Variants in SEMA3A observed in about 807,000 individuals in gnomAD.
The protein encoded by SEMA3A is semaphorin-3A.
Under a neutral mutation model 97.9 loss-of-function variants are expected in SEMA3A, and 29 were observed. The ratio of observed to expected loss-of-function variants is 0.30; its 90% CI spans 0.22 to 0.40. The LOEUF (loss-of-function observed/expected upper bound fraction) is 0.40, where lower values mean the gene tolerates loss of function less well. Ranked by LOEUF, SEMA3A falls within the 10% of genes least tolerant of loss-of-function variation. The pLI is 1.00. For missense variants in SEMA3A, 763 were observed against 951.3 expected, an observed-to-expected ratio of 0.80 and a Z score of 2.60; for synonymous variants, 321 against 323.7, an observed-to-expected ratio of 0.99 and a Z score of 0.09.
intron 3 of SEMA3A, among the ~76,000 whole-genome samples, chr7:84,291,596 G>A (rs1470941317): frequency 6.6e-6 from 1 of 151,958 alleles, no homozygotes; most frequent in Non-Finnish European, 1.5e-5. Flanking sequence ...GGAAATTTGT[G>A]TTACCATGTT....
intron 6 of SEMA3A, among the ~76,000 whole-genome samples, chr7:84,030,444 AT>A (rs888592302): frequency 5.3e-5 from 8 of 152,086 alleles, no homozygotes; most frequent in African/African-American, 1.9e-4. Flanking sequence ...TGTGTGATTT[AT>A]TTTTTTAAAA....
At chr7:84,372,034 T>C (rs983073585) in intron 1 of SEMA3A, 1 of 152,052 alleles carries the variant, frequency 6.6e-6, no homozygotes, top group African/African-American at 2.4e-5. Flanking sequence ...CATGACACCT[T>C]GGAAACATTA....
intron 5 of SEMA3A, 105 bp from the exon 6 acceptor site, chr7:84,046,548 G>C (rs530055937): frequency 1.9e-5 from 24 of 1,282,468 alleles, no homozygotes; most frequent in Middle Eastern, 2.0e-4. Flanking sequence ...ACCATGCTAA[G>C]AGGAAAACTG....
intron 4 of SEMA3A, among the ~76,000 whole-genome samples, chr7:84,088,085 C>T (rs551176033): frequency 2.6e-5 from 4 of 152,050 alleles, no homozygotes; most frequent in African/African-American, 7.2e-5. Context: ...GTTCTGAGGG[C>T]GGGAAACATG....
intron 1 of SEMA3A, among the ~76,000 whole-genome samples, chr7:84,477,092 A>ATT (rs61617588): frequency 0.012 from 1,723 of 141,546 alleles, 9 homozygotes; most frequent in Non-Finnish European, 0.02. Flanking sequence ...ATATATATAT[A>ATT]TTTTTCAAAA....
chr7:84,404,933 C>T (rs994504164), intron 1 of SEMA3A, among the ~76,000 whole-genome samples: 8 of 152,094 alleles, frequency 5.3e-5, no homozygotes, highest in African/African-American at 1.9e-4. Flanking sequence ...CCAGCCACTG[C>T]AAAAACATGC....
At chr7:84,060,662 C>T in intron 4 of SEMA3A, 104 bp from the exon 5 acceptor site, 1 of 661,138 alleles carries the variant, frequency 1.5e-6, no homozygotes, top group Non-Finnish European at 2.4e-6. Flanking sequence ...TCATGTCCAA[C>T]ACAAGAGTTA....
chr7:84,141,810 G>A (rs1796302034), intron 1 of SEMA3A, among the ~76,000 whole-genome samples: 1 of 152,058 alleles, frequency 6.6e-6, no homozygotes, highest in South Asian at 2.1e-4. Context: ...TCCTGCATTA[G>A]TTTGCTAAGG....
At chr7:84,111,173 C>T (rs905058121) in intron 3 of SEMA3A, among the ~76,000 whole-genome samples, 2 of 152,110 alleles carry the variant, frequency 1.3e-5, no homozygotes, top group Non-Finnish European at 2.9e-5. Context: ...ACTTTCTTAT[C>T]TACTTTCTTT....
intron 1 of SEMA3A, among the ~76,000 whole-genome samples, chr7:84,448,002 C>A (rs1805466137): frequency 6.6e-6 from 1 of 152,224 alleles, no homozygotes; most frequent in African/African-American, 2.4e-5. Context: ...TGGATTTGCC[C>A]ACCCTGCTGC....
rs1801641062 is a variant in SEMA3A, at chr7:84,321,449, A to G, written c.-168-14157T>C. Reference sequence around the variant, plus strand: ...AAATCAGCAATAAGCATAAGAAAGTAAAATACACATGATCTAAGACCAGAC... The same window carrying G: ...AAATCAGCAATAAGCATAAGAAAGTGAAATACACATGATCTAAGACCAGAC... On this transcript the variant is annotated intron_variant, in intron 2 of 3. Transcript: ENST00000424555. 2.0e-5 allele frequency among the ~76,000 whole-genome samples: 3 copies of G among 152,320 alleles called. No individual in the cohort carries two copies. The South Asian group carries it at 6.2e-4, about 32-fold the overall frequency.
chr7:84,271,377 C>A (rs1376090414), intron 3 of SEMA3A, among the ~76,000 whole-genome samples: 1 of 151,946 alleles, frequency 6.6e-6, no homozygotes, highest in East Asian at 1.9e-4. Context: ...TTTAAAGGCA[C>A]AAGTACACAC....
intron 4 of SEMA3A, among the ~76,000 whole-genome samples, chr7:84,099,771 G>A (rs1245271657): frequency 2.6e-5 from 4 of 151,978 alleles, no homozygotes; most frequent in African/African-American, 7.2e-5. Context: ...GTAATTTTAC[G>A]CAGCATCTTT....
At chr7:84,076,987 T>A (rs544109758) in intron 4 of SEMA3A, among the ~76,000 whole-genome samples, 1 of 152,118 alleles carries the variant, frequency 6.6e-6, no homozygotes, top group African/African-American at 2.4e-5. Flanking sequence ...ATCTTTTTAA[T>A]AGGAGCTTAA....
intron 6 of SEMA3A, among the ~76,000 whole-genome samples, chr7:84,026,251 T>G (rs1293221152): frequency 6.6e-6 from 1 of 152,216 alleles, no homozygotes; most frequent in Admixed American, 6.5e-5. Flanking sequence ...ACCTCGTATC[T>G]CTTATTCAAC....
intron 2 of SEMA3A, among the ~76,000 whole-genome samples, chr7:84,359,167 A>G (rs1352098716): frequency 6.6e-6 from 1 of 152,156 alleles, no homozygotes; most frequent in African/African-American, 2.4e-5. Context: ...CAGAACTTCC[A>G]ACACTATGTT....
At chr7:84,023,335 C>G (rs547418821) in intron 6 of SEMA3A, among the ~76,000 whole-genome samples, 1 of 152,308 alleles carries the variant, frequency 6.6e-6, no homozygotes, top group Admixed American at 6.5e-5. Context: ...CCTATCCCTT[C>G]CACCAACAAG....
intron 2 of SEMA3A, among the ~76,000 whole-genome samples, chr7:84,321,048 A>G (rs1801630969): frequency 6.6e-6 from 1 of 152,184 alleles, no homozygotes; most frequent in Non-Finnish European, 1.5e-5. Flanking sequence ...TTTAGGAAAG[A>G]GTTCTTATTT....
rs1412806410 is a variant in SEMA3A, at chr7:84,091,120, A to AAG, written c.453+19349_453+19350insCT. On this transcript the variant is annotated intron_variant, in intron 4 of 16. Coordinates refer to ENST00000265362, the MANE Select transcript of SEMA3A (RefSeq NM_006080.3). ...AGAAAGAGAAAGAAAGAAAGAAAGA[A>AAG]AAAGAAAGAAAGAAAGAAGGAAGGA... is the stretch of plus-strand genomic sequence containing the variant. Among the ~76,000 whole-genome samples, 333 of 68,912 alleles carry AAG rather than the reference A, an allele frequency of 4.8e-3. 34 individuals carry two copies. Among genetic ancestry groups the AAG allele is most frequent in the Non-Finnish European group, 8.6e-3 (215 of 25,074 alleles). The allele number at this position is 68,912 out of a possible 152,430, so 45.2% of individuals were successfully genotyped here.
Sources: allele counts gnomAD v4.1 joint callset (sites outside exome capture counted in the v4.1 genomes callset), GRCh38; gene constraint gnomAD v4.1.1; transcripts MANE v1.5; gene names NCBI Gene and HGNC (gene_info 2026-07-23, HGNC 2026-07-21).